GLIS3: variants seen among roughly 807,000 people sequenced by gnomAD.
The protein encoded by GLIS3 is zinc finger protein GLIS3.
In GLIS3, 53 loss-of-function variants were observed where a neutral mutation model predicts 78.6. That is an observed-to-expected ratio of 0.67 (90% CI 0.54 to 0.85). The LOEUF is 0.85. Ranked by LOEUF, GLIS3 falls within the 40% of genes least tolerant of loss-of-function variation. GLIS3 has a pLI of 0.00. For synonymous variants in GLIS3, 684 were observed against 509.9 expected, an observed-to-expected ratio of 1.34 and a Z score of -4.60; for missense variants, 1,703 against 1,231.1, an observed-to-expected ratio of 1.38 and a Z score of -5.74.
At position 4,119,033 on chromosome 9, in the gene GLIS3, T is replaced by A; in HGVS notation, c.597-152A>T. 7.1e-6 allele frequency: 6 copies of A among 843,506 alleles called. No individual in the cohort carries two copies. In the South Asian group the frequency reaches 1.0e-4, roughly 15 times the overall value. The allele number at this position is 843,506 out of a possible 1,614,324, so 52.3% of individuals were successfully genotyped here. ...CTAAACACACATTCTTGGGCTAAGA[T>A]AAAATCCAAGGCTTCCAGTTCCAGG... is the stretch of plus-strand genomic sequence containing the variant. On this transcript the variant is annotated intron_variant, in intron 3 of 10. Coordinates refer to ENST00000381971, the MANE Select transcript of GLIS3 (RefSeq NM_001042413.2).
intron 4 of GLIS3, among the ~76,000 whole-genome samples, chr9:4,053,741 C>T (rs943508922): frequency 1.6e-5 from 2 of 126,106 alleles, no homozygotes; most frequent in African/African-American, 5.7e-5. Context: ...TAGCAACTAG[C>T]AGCAAAGCCA....
the GLIS3 span, among the ~76,000 whole-genome samples, chr9:4,396,567 C>T: frequency 6.6e-6 from 1 of 152,084 alleles, no homozygotes; most frequent in African/African-American, 2.4e-5. Flanking sequence ...CTTTCATTTC[C>T]TCTTTTTCAT....
At chr9:4,376,023 G>A in the GLIS3 span, among the ~76,000 whole-genome samples, 7 of 152,282 alleles carry the variant, frequency 4.6e-5, no homozygotes, top group South Asian at 1.0e-3. Context: ...GGAATGCTGA[G>A]GTCACATATG....
At chr9:4,116,814 T>C (rs1254275086) in intron 4 of GLIS3, among the ~76,000 whole-genome samples, 3 of 152,126 alleles carry the variant, frequency 2.0e-5, no homozygotes, top group South Asian at 2.1e-4. Flanking sequence ...AGACTTTAAA[T>C]GAAATATTTC....
chr9:4,079,766 A>T (rs7033281), intron 4 of GLIS3, among the ~76,000 whole-genome samples: 3 of 151,120 alleles, frequency 2.0e-5, no homozygotes, highest in Non-Finnish European at 4.4e-5. Context: ...AAAAGAAAAA[A>T]GAAAACCTAC....
At chr9:4,102,993 C>A (rs566601781) in intron 4 of GLIS3, among the ~76,000 whole-genome samples, 2 of 152,132 alleles carry the variant, frequency 1.3e-5, no homozygotes, top group Non-Finnish European at 2.9e-5. Flanking sequence ...AAATCCCTAT[C>A]TTTTCTCTGT....
At chr9:4,285,821 C>T in intron 2 of GLIS3, 2 of 607,318 alleles carry the variant, frequency 3.3e-6, no homozygotes, top group East Asian at 2.9e-5. Flanking sequence ...TTTCACAGTC[C>T]CAGGAGATGT....
At chr9:4,298,499 C>T (rs1816802050) in intron 1 of GLIS3, 2 of 438,926 alleles carry the variant, frequency 4.6e-6, no homozygotes, top group Non-Finnish European at 9.2e-6. Flanking sequence ...TTGGAACTGT[C>T]GCTCGGGGCA....
At chr9:4,287,436 AC>A (rs1828098398) in intron 1 of GLIS3, among the ~76,000 whole-genome samples, 1 of 152,328 alleles carries the variant, frequency 6.6e-6, no homozygotes, top group African/African-American at 2.4e-5. Flanking sequence ...GTTGTAAATC[AC>A]TAAAGAAGGC....
intron 4 of GLIS3, among the ~76,000 whole-genome samples, chr9:4,005,792 C>A (rs986717612): frequency 3.3e-5 from 5 of 152,168 alleles, no homozygotes; most frequent in Non-Finnish European, 7.3e-5. Context: ...ATAATGCCAT[C>A]AAAGATACTT....
chr9:4,075,021 C>T (rs911708327), intron 4 of GLIS3, among the ~76,000 whole-genome samples: 2 of 152,006 alleles, frequency 1.3e-5, no homozygotes, highest in African/African-American at 2.4e-5. Flanking sequence ...GACGTACTCA[C>T]CAAATAAGTA....
intron 2 of GLIS3, among the ~76,000 whole-genome samples, chr9:4,153,750 A>T (rs1408995516): frequency 3.3e-5 from 5 of 152,230 alleles, no homozygotes; most frequent in African/African-American, 1.2e-4. Context: ...TTTGGAAAGA[A>T]AAATCAAAGT....
intron 2 of GLIS3, among the ~76,000 whole-genome samples, chr9:4,155,222 T>G (rs758938913): frequency 2.6e-5 from 4 of 152,232 alleles, no homozygotes; most frequent in African/African-American, 9.7e-5. Flanking sequence ...AGTGTTAATG[T>G]GTAAAACACT....
At chr9:4,107,219 C>A (rs910181241) in intron 4 of GLIS3, among the ~76,000 whole-genome samples, 3 of 152,128 alleles carry the variant, frequency 2.0e-5, no homozygotes, top group Non-Finnish European at 4.4e-5. Context: ...AGAGAAGAAG[C>A]AGGGGGCACT....
chr9:4,341,337 G>C (rs1017370871), intron 2 of GLIS3, among the ~76,000 whole-genome samples: 1 of 152,188 alleles, frequency 6.6e-6, no homozygotes, highest in African/African-American at 2.4e-5. Context: ...TTACACACTT[G>C]TAGTTATCAG....
intron 8 of GLIS3, among the ~76,000 whole-genome samples, chr9:3,869,404 T>C (rs527733490): frequency 6.6e-6 from 1 of 152,276 alleles, no homozygotes; most frequent in East Asian, 1.9e-4. Context: ...ACGCTACATA[T>C]ACAAATAAGT....
chr9:4,460,745 T>A, the GLIS3 span, among the ~76,000 whole-genome samples: 1 of 152,214 alleles, frequency 6.6e-6, no homozygotes, highest in African/African-American at 2.4e-5. Context: ...TCTTTCCTTT[T>A]TTCTTCTACA....
intron 4 of GLIS3, among the ~76,000 whole-genome samples, chr9:4,058,954 C>G (rs1056087897): frequency 6.6e-6 from 1 of 151,140 alleles, no homozygotes; most frequent in Non-Finnish European, 1.5e-5. Flanking sequence ...TGCACTCCAG[C>G]GTGGGCCACA....
chr9:4,474,529 C>A, the GLIS3 span, among the ~76,000 whole-genome samples: 3 of 152,192 alleles, frequency 2.0e-5, no homozygotes, highest in South Asian at 6.2e-4. Context: ...AATCTTCATC[C>A]ATATCACACA....
Sources: gnomAD v4.1 joint callset for allele counts (sites outside exome capture counted in the v4.1 genomes callset) on GRCh38, gnomAD v4.1.1 for gene constraint, MANE v1.5 for transcripts, NCBI Gene and HGNC (gene_info 2026-07-23, HGNC 2026-07-21) for gene names.